Variants in WLS observed in about 807,000 individuals in gnomAD.
WLS encodes protein wntless homolog.
WLS carries 23 observed loss-of-function variants against 62.8 expected under a neutral mutation model. That is an observed-to-expected ratio of 0.37 (90% CI 0.26 to 0.52). WLS has a LOEUF of 0.52. WLS is among the 20% of genes least tolerant of loss of function. WLS has a pLI of 0.92. For synonymous variants in WLS, 246 were observed against 244.1 expected, an observed-to-expected ratio of 1.01 and a Z score of -0.07; for missense variants, 615 against 697.3, an observed-to-expected ratio of 0.88 and a Z score of 1.33.
At chr1:68,190,683 A>G (rs1648240696) in intron 2 of WLS, among the ~76,000 whole-genome samples, 1 of 152,194 alleles carries the variant, frequency 6.6e-6, no homozygotes, top group African/African-American at 2.4e-5. Context: ...CCAGGCCAAC[A>G]GCTTAATTGC....
At chr1:68,160,905 T>C (rs1557485882) in intron 2 of WLS, among the ~76,000 whole-genome samples, 1 of 152,192 alleles carries the variant, frequency 6.6e-6, no homozygotes, top group Non-Finnish European at 1.5e-5. Context: ...AGTGCTCTTG[T>C]ATAAAATATC....
At chr1:68,227,160 G>T (rs1401986110) in intron 1 of WLS, among the ~76,000 whole-genome samples, 2 of 152,260 alleles carry the variant, frequency 1.3e-5, no homozygotes, top group African/African-American at 4.8e-5. Flanking sequence ...TTGGGAGGCC[G>T]AGGCAGGTGG....
intron 2 of WLS, among the ~76,000 whole-genome samples, chr1:68,185,752 C>A (rs1205873815): frequency 6.6e-6 from 1 of 152,214 alleles, no homozygotes; most frequent in Non-Finnish European, 1.5e-5. Flanking sequence ...AGGCACAGAG[C>A]ATCCCTGTCC....
chr1:68,167,064 C>T (rs1570934958), intron 2 of WLS, among the ~76,000 whole-genome samples: 1 of 152,200 alleles, frequency 6.6e-6, no homozygotes, highest in Admixed American at 6.5e-5. Context: ...TCAATCTTAG[C>T]AGACCTGGTT....
At chr1:68,117,059 AC>A (rs1472597432) in intron 11 of WLS, among the ~76,000 whole-genome samples, 1 of 152,040 alleles carries the variant, frequency 6.6e-6, no homozygotes, top group African/African-American at 2.4e-5. Context: ...TTCTCAACTT[AC>A]TTTCAATTTC....
intron 2 of WLS, among the ~76,000 whole-genome samples, chr1:68,181,232 A>G (rs1386379570): frequency 6.6e-6 from 1 of 152,212 alleles, no homozygotes; most frequent in African/African-American, 2.4e-5. Context: ...CAAAGTTAGA[A>G]GAGGAGGTGA....
At chr1:68,168,329 C>G (rs184377677) in intron 2 of WLS, among the ~76,000 whole-genome samples, 18 of 152,164 alleles carry the variant, frequency 1.2e-4, no homozygotes, top group Non-Finnish European at 1.8e-4. Flanking sequence ...CAGGATAGTA[C>G]AAAGTGTATA....
intron 1 of WLS, among the ~76,000 whole-genome samples, chr1:68,223,743 G>A (rs891465883): frequency 6.6e-6 from 1 of 152,214 alleles, no homozygotes; most frequent in Non-Finnish European, 1.5e-5. Context: ...GCAGTTGAGA[G>A]AGGGAGTCAA....
At chr1:68,172,397 A>G (rs538549348) in intron 2 of WLS, among the ~76,000 whole-genome samples, 1 of 152,348 alleles carries the variant, frequency 6.6e-6, no homozygotes, top group East Asian at 1.9e-4. Context: ...GGAACTATAT[A>G]CATGTATATA....
At chr1:68,186,054 T>C (rs1647919406) in intron 2 of WLS, among the ~76,000 whole-genome samples, 1 of 152,188 alleles carries the variant, frequency 6.6e-6, no homozygotes, top group African/African-American at 2.4e-5. Flanking sequence ...CAAAGAGGCA[T>C]TCCTATCACT....
intron 1 of WLS, chr1:68,202,168 G>T (rs557912570): frequency 1.3e-5 from 2 of 152,344 alleles, no homozygotes; most frequent in Admixed American, 1.3e-4. Context: ...AAAAATTAAA[G>T]TGCTTTGGGA....
chr1:68,189,798 C>A (rs1648184631), intron 2 of WLS, among the ~76,000 whole-genome samples: 2 of 152,260 alleles, frequency 1.3e-5, no homozygotes, highest in South Asian at 2.1e-4. Flanking sequence ...CTTTGGGAGG[C>A]CGAGGTGGGT....
chr1:68,129,024 G>A (rs1646477747), intron 11 of WLS, among the ~76,000 whole-genome samples: 1 of 150,252 alleles, frequency 6.7e-6, no homozygotes, highest in African/African-American at 2.4e-5. Context: ...CAGCATTACA[G>A]CTAAAAATAT....
intron 5 of WLS, among the ~76,000 whole-genome samples, chr1:68,152,645 G>A (rs767677897): frequency 3.9e-5 from 6 of 152,200 alleles, no homozygotes; most frequent in Non-Finnish European, 5.9e-5. Flanking sequence ...ATCCAGACTG[G>A]AAAGGACTCA....
At chr1:68,209,513 T>C (rs1223818176) in intron 1 of WLS, among the ~76,000 whole-genome samples, 2 of 152,236 alleles carry the variant, frequency 1.3e-5, no homozygotes, top group Non-Finnish European at 2.9e-5. Context: ...GCACGTTGGC[T>C]CGTGCCTGTA....
intron 1 of WLS, among the ~76,000 whole-genome samples, chr1:68,221,221 T>C (rs1356620657): frequency 6.6e-6 from 1 of 152,224 alleles, no homozygotes; most frequent in Non-Finnish European, 1.5e-5. Context: ...GGCATGCTCA[T>C]GGACCTGCAA....
intron 10 of WLS, 53 bp from the exon 11 acceptor site, chr1:68,137,986 A>C (rs1207964219): frequency 1.2e-6 from 2 of 1,602,816 alleles, no homozygotes; most frequent in Non-Finnish European, 1.7e-6. Context: ...AACAGAAGAA[A>C]CATAACACCA....
At chr1:68,183,652 T>C in intron 2 of WLS, 1 of 413,190 alleles carries the variant, frequency 2.4e-6, no homozygotes, top group South Asian at 1.9e-5. Flanking sequence ...ATTCAGAGAA[T>C]TGTTTATGAT....
At chr1:68,142,357 C>T (rs566281035) in intron 10 of WLS, among the ~76,000 whole-genome samples, 1 of 152,212 alleles carries the variant, frequency 6.6e-6, no homozygotes, top group Non-Finnish European at 1.5e-5. Flanking sequence ...TGCCTCAACC[C>T]ATCTTCCTTG....
Sources: allele counts gnomAD v4.1 joint callset (sites outside exome capture counted in the v4.1 genomes callset), GRCh38; gene constraint gnomAD v4.1.1; transcripts MANE v1.5; gene names NCBI Gene and HGNC (gene_info 2026-07-23, HGNC 2026-07-21).